Variants in ZNF451 observed in about 807,000 individuals in gnomAD.
ZNF451 encodes zinc finger protein 451.
ZNF451 carries 80 observed loss-of-function variants against 107.1 expected under a neutral mutation model. That is an observed-to-expected ratio of 0.75 (90% CI 0.62 to 0.90). ZNF451 has a LOEUF of 0.90. Among genes scored for constraint, ZNF451 ranks in the 40% least tolerant of loss-of-function variants. ZNF451 has a pLI of 0.00. For synonymous variants in ZNF451, 362 were observed against 406.5 expected (o/e 0.89, Z 1.32); for missense variants, 1,107 against 1,236.2 (o/e 0.90, Z 1.57).
At position 57,147,800 on chromosome 6, in the gene ZNF451, C is replaced by T; in HGVS notation, c.1715C>T (p.Pro572Leu). The T allele has an allele frequency of 6.2e-7, 1 of 1,613,946 alleles. No homozygotes were observed. Among genetic ancestry groups the T allele is most frequent in the South Asian group, 1.1e-5 (1 of 91,076 alleles). ...GATGAGGTAGAAGGTGAAACTTTGC[C>T]ATCATCCTCTACAACATTGGATAAT... ...EMDEVEGETLPSSSTTLDNLT... is the reference protein window; with the variant it reads ...EMDEVEGETLLSSSTTLDNLT... Residue 572 changes from proline to leucine, a missense_variant, in exon 10 of 15, where the codon CCA becomes CTA. Pro to Leu is a moderately conservative substitution (Grantham distance 98). This residue lies in a region of ZNF451 where 608 missense variants were observed against 649.2 expected (regional missense o/e 0.94). Transcript: ENST00000370706.
intron 13 of ZNF451, chr6:57,158,406 G>GTGAGTT: frequency 1.7e-6 from 1 of 573,840 alleles, no homozygotes; most frequent in Non-Finnish European, 2.2e-6. Flanking sequence ...GAGTTCTGGT[G>GTGAGTT]CTTTAAAAAG....
At chr6:57,114,414 T>C (rs1830266049) in intron 3 of ZNF451, among the ~76,000 whole-genome samples, 1 of 152,352 alleles carries the variant, frequency 6.6e-6, no homozygotes, top group African/African-American at 2.4e-5. Context: ...ATTTGTGTTT[T>C]AGCTAAATGT....
chr6:57,138,733 A>ATGTGTGTGTGTGTG (rs1424146625), intron 7 of ZNF451, among the ~76,000 whole-genome samples: 4 of 111,060 alleles, frequency 3.6e-5, no homozygotes, highest in Non-Finnish European at 3.6e-5. Flanking sequence ...ATATATATAT[A>ATGTGTGTGTGTGTG]TATATATATG....
intron 14 of ZNF451, among the ~76,000 whole-genome samples, chr6:57,161,499 C>T (rs1023379364): frequency 1.3e-5 from 2 of 151,890 alleles, no homozygotes; most frequent in African/African-American, 4.8e-5. Flanking sequence ...CCCCCGCCCC[C>T]CTCAAATAAT....
chr6:57,128,289 T>C (rs977623280), intron 4 of ZNF451, among the ~76,000 whole-genome samples: 2 of 152,192 alleles, frequency 1.3e-5, no homozygotes. Flanking sequence ...TTAATAACTT[T>C]TAATACATCT....
Position 57,148,458 on chromosome 6 carries a change from T to A in ZNF451, c.2373T>A (p.Cys791Ter). Residue 791 changes from cysteine (C) to a stop codon, truncating the protein, a stop_gained, in exon 10 of 15, where the codon TGT (cysteine) becomes TGA (stop). Transcript: ENST00000370706. LOFTEE classifies it high-confidence loss of function. ...DEEEQQYVIK[C>*]GTCTKAFHDP... ...AGGAGCAGCAGTATGTAATCAAGTG[T>A]GGCACCTGCACCAAAGCATTTCATG... 1 of 1,614,040 alleles carries A rather than the reference T, an allele frequency of 6.2e-7. No individual in the cohort carries two copies. Among genetic ancestry groups the A allele is most frequent in the Non-Finnish European group, 8.5e-7 (1 of 1,179,972 alleles).
At chr6:57,099,712 G>A (rs1011078677) in intron 3 of ZNF451, 14 of 509,728 alleles carry the variant, frequency 2.7e-5, no homozygotes, top group Non-Finnish European at 3.8e-5. Context: ...TACTTCCCTT[G>A]CTCTGAGAAT....
intron 2 of ZNF451, among the ~76,000 whole-genome samples, chr6:57,091,231 G>A (rs1285818174): frequency 3.9e-5 from 1 of 25,472 alleles, no homozygotes; most frequent in African/African-American, 1.5e-4. Context: ...TGCTAATGAT[G>A]AGCAAGGACG....
chr6:57,144,253 T>TTTTTA (rs1831941040), intron 9 of ZNF451, among the ~76,000 whole-genome samples: 1 of 149,086 alleles, frequency 6.7e-6, no homozygotes, highest in African/African-American at 2.5e-5. Context: ...TTTTTTTTTT[T>TTTTTA]TTTTAAAGAT....
chr6:57,122,419 C>CT (rs1264903166), intron 3 of ZNF451, among the ~76,000 whole-genome samples: 1 of 152,096 alleles, frequency 6.6e-6, no homozygotes, highest in Non-Finnish European at 1.5e-5. Flanking sequence ...GCAAAATAAA[C>CT]TATCAACAGA....
chr6:57,148,988 A>G (rs1832222679), intron 10 of ZNF451, among the ~76,000 whole-genome samples: 1 of 152,212 alleles, frequency 6.6e-6, no homozygotes, highest in African/African-American at 2.4e-5. Flanking sequence ...TCTGAAAGTT[A>G]GATTTCAAAG....
At chr6:57,122,785 T>C (rs546170546) in intron 3 of ZNF451, among the ~76,000 whole-genome samples, 3 of 152,316 alleles carry the variant, frequency 2.0e-5, no homozygotes, top group South Asian at 4.1e-4. Flanking sequence ...GAAATGCAAA[T>C]TAGTTCATCT....
intron 9 of ZNF451, among the ~76,000 whole-genome samples, chr6:57,144,654 C>T (rs1007120623): frequency 1.3e-5 from 2 of 152,042 alleles, no homozygotes; most frequent in Non-Finnish European, 2.9e-5. Context: ...CTTGGCTGGG[C>T]GTGGTGGCTC....
chr6:57,154,131 G>T, intron 13 of ZNF451, 84 bp downstream of exon 13: 4 of 1,336,858 alleles, frequency 3.0e-6, no homozygotes, highest in Non-Finnish European at 4.3e-6. Flanking sequence ...CTGTCCGCTA[G>T]TGAACTGTTG....
chr6:57,105,664 G>A, intron 3 of ZNF451: 6 of 985,308 alleles, frequency 6.1e-6, no homozygotes, highest in Non-Finnish European at 6.0e-6. Flanking sequence ...ATTTTGGGGG[G>A]CCTTAAGGCA....
intron 10 of ZNF451, 118 bp downstream of exon 10, chr6:57,148,811 T>G (rs1388189070): frequency 2.1e-6 from 2 of 939,292 alleles, no homozygotes; most frequent in African/African-American, 3.3e-5. Flanking sequence ...ATGTTAATTA[T>G]TATGGTATAT....
rs755279891 is a variant in ZNF451 at position 57,147,081 on chromosome 6, C to T, written c.1005-9C>T. ...TGAAAGACTTTCTATTTCTTTTTAT[C>T]TAATTTAGAGTTCATTGTCGAAATG... On this transcript the variant is annotated splice_polypyrimidine_tract_variant and intron_variant, in intron 9 of 14. Coordinates refer to ENST00000370706, the MANE Select transcript of ZNF451 (RefSeq NM_001031623.3). 7.0e-6 allele frequency: 11 copies of T among 1,567,412 alleles called. No individual in the cohort carries two copies. In the East Asian group the frequency reaches 9.0e-5, roughly 13 times the overall value.
At chr6:57,156,550 G>A (rs1763433050) in intron 13 of ZNF451, among the ~76,000 whole-genome samples, 1 of 152,114 alleles carries the variant, frequency 6.6e-6, no homozygotes, top group Admixed American at 6.6e-5. Context: ...TTAAGGCAAT[G>A]TGGTTTTTGG....
intron 3 of ZNF451, chr6:57,103,036 C>G: frequency 2.0e-6 from 2 of 985,404 alleles, no homozygotes; most frequent in Non-Finnish European, 2.4e-6. Context: ...ACATTTAATT[C>G]TTTTGAGCTT....
Sources: allele counts gnomAD v4.1 joint callset (sites outside exome capture counted in the v4.1 genomes callset), GRCh38; gene constraint gnomAD v4.1.1; regional missense constraint gnomAD v4.1.1; transcripts MANE v1.5; gene names NCBI Gene and HGNC (gene_info 2026-07-23, HGNC 2026-07-21).